CSMD2: variants seen among roughly 807,000 people sequenced by gnomAD.
CSMD2 encodes the protein CUB and sushi domain-containing protein 2.
A neutral mutation model predicts 398.5 loss-of-function variants in CSMD2; 130 were observed. The ratio of observed to expected loss-of-function variants is 0.33; its 90% CI spans 0.28 to 0.38. CSMD2 has a LOEUF of 0.38. Ranked by LOEUF, CSMD2 falls within the 10% of genes least tolerant of loss-of-function variation. The pLI, the probability that CSMD2 is intolerant of heterozygous loss-of-function variation, is 1.00. For synonymous variants in CSMD2, 1,828 were observed against 1,908.5 expected, an observed-to-expected ratio of 0.96 and a Z score of 1.10; for missense variants, 3,829 against 4,764.9, an observed-to-expected ratio of 0.80 and a Z score of 5.78.
rs189092629 is a variant in CSMD2, at chr1:33,780,140, C to T, written c.1664-7389G>A. Among the ~76,000 whole-genome samples the T allele has an allele frequency of 1.7e-4, 26 of 152,184 alleles. No homozygotes were observed. The East Asian group carries it at 2.7e-3, about 16-fold the overall frequency. On this transcript the variant is annotated intron_variant, in intron 12 of 70. Coordinates refer to ENST00000373381, the MANE Select transcript of CSMD2 (RefSeq NM_001281956.2). ...TGTCAGCTCCCTCAGAGCCAGGGGT[C>T]GCATCCCTTCCACTCTTTGTATCTC...
chr1:34,079,294 C>T (rs2148328643), intron 2 of CSMD2, among the ~76,000 whole-genome samples: 5 of 152,162 alleles, frequency 3.3e-5, no homozygotes, highest in Admixed American at 3.3e-4. Context: ...TAAGGGGTAT[C>T]CCGATTGGAA....
At chr1:33,806,321 T>G (rs2124943972) in intron 10 of CSMD2, among the ~76,000 whole-genome samples, 1 of 152,240 alleles carries the variant, frequency 6.6e-6, no homozygotes, top group South Asian at 2.1e-4. Flanking sequence ...TTCACATGGG[T>G]TTGCAGCCTT....
Position 33,646,784 on chromosome 1 carries a change from G to A in CSMD2, c.4638C>T (p.Asp1546=). Residue 1546 remains aspartate (D), a synonymous_variant, in exon 29 of 71, where the codon GAC becomes GAT. Transcript: ENST00000373381. The part of the protein sequence containing the change: ...YDFLHIYDGR[D]SLSPLIGSFY... ...AGCTTCCTATGAGAGGGCTGAGAGA[G>A]TCCCGTCCGTCGTAGATATGGAGGA... 6.2e-7 allele frequency: 1 copy of A among 1,614,044 alleles called. No homozygotes were observed. Among genetic ancestry groups the A allele is most frequent in the Non-Finnish European group, 8.5e-7 (1 of 1,179,956 alleles).
rs752412612 is a variant in CSMD2 at position 33,846,990 on chromosome 1, G to T, written c.927C>A (p.Thr309=). The T allele has an allele frequency of 1.3e-5, 21 of 1,607,732 alleles. 1 individual carries two copies. Among genetic ancestry groups the T allele is most frequent in the Non-Finnish European group, 3.4e-6 (4 of 1,176,752 alleles). ...TAACGGGGGCTGGGAGGCTGGCTCCGGTGAACCTGTGGGAACAGGAAGCAG... is the reference window on the plus strand; with the variant it reads ...TAACGGGGGCTGGGAGGCTGGCTCCTGTGAACCTGTGGGAACAGGAAGCAG... ...TGTEGSSLWF[T]GASLPAPVIS... is the part of the protein sequence containing the mutation. The change falls in exon 6 of 71, where the codon ACC becomes ACA. Residue 309 remains threonine, a synonymous_variant. Coordinates refer to ENST00000373381, the MANE Select transcript of CSMD2 (RefSeq NM_001281956.2).
chr1:33,703,973 G>A (rs1328751382), intron 22 of CSMD2, among the ~76,000 whole-genome samples: 1 of 152,110 alleles, frequency 6.6e-6, no homozygotes, highest in Non-Finnish European at 1.5e-5. Context: ...TTCCTTTTCT[G>A]TGAATTGCCT....
chr1:33,720,920 C>G (rs959295379), intron 19 of CSMD2, among the ~76,000 whole-genome samples: 2 of 152,030 alleles, frequency 1.3e-5, no homozygotes, highest in African/African-American at 4.8e-5. Context: ...AGGCTGGCCT[C>G]GAACTCCCAA....
chr1:33,939,835 G>T (rs1205391451), intron 3 of CSMD2, among the ~76,000 whole-genome samples: 2 of 152,112 alleles, frequency 1.3e-5, no homozygotes, highest in Admixed American at 1.3e-4. Flanking sequence ...CAGACTTTAG[G>T]CTCAGAGAGA....
intron 13 of CSMD2, among the ~76,000 whole-genome samples, chr1:33,763,856 T>C (rs1220907857): frequency 6.6e-6 from 1 of 152,140 alleles, no homozygotes; most frequent in Non-Finnish European, 1.5e-5. Flanking sequence ...CCAGCATACA[T>C]ATAGGCCCAC....
intron 3 of CSMD2, among the ~76,000 whole-genome samples, chr1:33,988,190 T>C (rs1558207775): frequency 6.6e-6 from 1 of 152,226 alleles, no homozygotes; most frequent in African/African-American, 2.4e-5. Flanking sequence ...AAGAAATGAA[T>C]GAAGGAGTGA....
chr1:34,107,852 G>A (rs1239214837), intron 1 of CSMD2, among the ~76,000 whole-genome samples: 3 of 152,164 alleles, frequency 2.0e-5, no homozygotes, highest in African/African-American at 4.8e-5. Context: ...ACATGGGGAC[G>A]CCTGAGCACA....
intron 10 of CSMD2, among the ~76,000 whole-genome samples, chr1:33,798,486 G>T (rs1655214387): frequency 6.6e-6 from 1 of 152,154 alleles, no homozygotes; most frequent in Non-Finnish European, 1.5e-5. Flanking sequence ...AGAGGAGGTG[G>T]GTCTGGGCCT....
At chr1:33,897,125 G>A (rs1489990590) in intron 5 of CSMD2, among the ~76,000 whole-genome samples, 2 of 152,262 alleles carry the variant, frequency 1.3e-5, no homozygotes. Flanking sequence ...GGGGTAAACT[G>A]AGGCACTGAG....
intron 3 of CSMD2, among the ~76,000 whole-genome samples, chr1:33,939,253 C>T (rs898891255): frequency 2.6e-5 from 4 of 152,036 alleles, no homozygotes; most frequent in Non-Finnish European, 5.9e-5. Context: ...TATTTAGCAT[C>T]TTCTATGATC....
At chr1:34,065,501 G>A (rs1655012251) in intron 2 of CSMD2, among the ~76,000 whole-genome samples, 1 of 152,136 alleles carries the variant, frequency 6.6e-6, no homozygotes, top group Non-Finnish European at 1.5e-5. Context: ...CCCTAAGCAG[G>A]GCCGGCTGCA....
chr1:33,970,983 T>A (rs1645741209), intron 3 of CSMD2, among the ~76,000 whole-genome samples: 1 of 152,164 alleles, frequency 6.6e-6, no homozygotes, highest in Admixed American at 6.5e-5. Flanking sequence ...CTGGGAGGAT[T>A]AATTGGGGTA....
intron 24 of CSMD2, among the ~76,000 whole-genome samples, chr1:33,697,734 T>C (rs1645468242): frequency 6.6e-6 from 1 of 152,268 alleles, no homozygotes; most frequent in Non-Finnish European, 1.5e-5. Context: ...TAACTCTTTT[T>C]ACAGTGCTTC....
At chr1:33,971,201 C>A (rs913129879) in intron 3 of CSMD2, among the ~76,000 whole-genome samples, 2 of 152,216 alleles carry the variant, frequency 1.3e-5, no homozygotes, top group African/African-American at 4.8e-5. Context: ...GCAGGACTCA[C>A]GATTAACATG....
intron 12 of CSMD2, among the ~76,000 whole-genome samples, chr1:33,775,191 A>G (rs1651812272): frequency 6.6e-6 from 1 of 152,218 alleles, no homozygotes; most frequent in Non-Finnish European, 1.5e-5. Flanking sequence ...AATTAATGCC[A>G]TAAATCCAAT....
intron 3 of CSMD2, among the ~76,000 whole-genome samples, chr1:34,022,404 A>G (rs1649024563): frequency 6.6e-6 from 1 of 152,180 alleles, no homozygotes; most frequent in Non-Finnish European, 1.5e-5. Flanking sequence ...ACGAGTTGGG[A>G]GTCAAGTCTT....
Sources: gnomAD v4.1 joint callset for allele counts (sites outside exome capture counted in the v4.1 genomes callset) on GRCh38, gnomAD v4.1.1 for gene constraint, MANE v1.5 for transcripts, NCBI Gene and HGNC (gene_info 2026-07-23, HGNC 2026-07-21) for gene names.